Variants in MYO5C observed in about 807,000 individuals in gnomAD.
MYO5C encodes unconventional myosin-Vc.
MYO5C carries 194 observed loss-of-function variants against 235.7 expected under a neutral mutation model. The ratio of observed to expected loss-of-function variants is 0.82; its 90% CI spans 0.73 to 0.93. MYO5C has a LOEUF of 0.93. MYO5C is among the 40% of genes least tolerant of loss of function. The pLI is 0.00. For synonymous variants in MYO5C, 707 were observed against 754.8 expected (o/e 0.94, Z 1.04); for missense variants, 2,038 against 2,127.2 (o/e 0.96, Z 0.82).
chr15:52,204,167 C>T (rs2035248941), intron 38 of MYO5C, among the ~76,000 whole-genome samples: 1 of 152,130 alleles, frequency 6.6e-6, no homozygotes, highest in Middle Eastern at 3.2e-3. Context: ...AGGATGAACT[C>T]CAAATGCCTT....
intron 1 of MYO5C, among the ~76,000 whole-genome samples, chr15:52,288,015 C>G (rs758644984): frequency 8.6e-5 from 13 of 151,918 alleles, no homozygotes; most frequent in Non-Finnish European, 1.8e-4. Flanking sequence ...GCTGGCTAAG[C>G]GAAGCTGGTG....
intron 2 of MYO5C, among the ~76,000 whole-genome samples, chr15:52,281,857 C>CT (rs138725784): frequency 6.6e-6 from 1 of 152,340 alleles, no homozygotes; most frequent in East Asian, 1.9e-4. Context: ...CATTTACATG[C>CT]TTTGTCAATT....
chr15:52,221,927 T>G (rs2035697564), intron 29 of MYO5C, among the ~76,000 whole-genome samples: 1 of 152,194 alleles, frequency 6.6e-6, no homozygotes, highest in African/African-American at 2.4e-5. Context: ...GGTGTGAAAG[T>G]GATATGCATT....
At chr15:52,251,352 T>G (rs2036469110) in intron 13 of MYO5C, 38 bp downstream of exon 13, 1 of 1,560,014 alleles carries the variant, frequency 6.4e-7, no homozygotes, top group East Asian at 2.3e-5. Flanking sequence ...CTGTACAGGT[T>G]CCGGGGTTGA....
chr15:52,272,680 C>T lies in MYO5C; in HGVS notation c.650G>A (p.Arg217Gln), dbSNP rs1011831774. 1.2e-6 allele frequency: 2 copies of T among 1,614,024 alleles called. No homozygotes were observed. Among genetic ancestry groups the T allele is most frequent in the Non-Finnish European group, 1.7e-6 (2 of 1,179,942 alleles). The change falls in exon 6 of 41, where the codon CGG becomes CAG. Residue 217 changes from arginine to glutamine, a missense_variant. Arg to Gln is a conservative substitution (Grantham distance 43). Coordinates refer to ENST00000261839, the MANE Select transcript of MYO5C (RefSeq NM_018728.4). ...ACTGATTTCTGTGTATTTCCCAAAC[C>T]GACTACTATTGTCATTGCGGGTGGT... ...AKTTRNDNSS[R>Q]FGKYTEISFD...
intron 25 of MYO5C, among the ~76,000 whole-genome samples, chr15:52,226,051 GA>G (rs34456629): frequency 0.21 from 25,455 of 120,242 alleles, 4,121 homozygotes; most frequent in East Asian, 0.61. Flanking sequence ...ACTCCACCTC[GA>G]AAAAAAAAAA....
At chr15:52,195,118 A>G (rs1349309950) in intron 40 of MYO5C, among the ~76,000 whole-genome samples, 2 of 152,190 alleles carry the variant, frequency 1.3e-5, no homozygotes, top group African/African-American at 4.8e-5. Flanking sequence ...TTCAACGATC[A>G]GTAAGAAATA....
chr15:52,235,274 C>G (rs1189013026), intron 23 of MYO5C, among the ~76,000 whole-genome samples: 1 of 152,160 alleles, frequency 6.6e-6, no homozygotes, highest in Non-Finnish European at 1.5e-5. Context: ...GACTGTACAT[C>G]AGGATTACCG....
intron 7 of MYO5C, 104 bp from the exon 8 acceptor site, chr15:52,269,964 C>T: frequency 2.5e-6 from 2 of 799,248 alleles, no homozygotes; most frequent in East Asian, 2.5e-5. Context: ...GTGTCATGCA[C>T]TTTACACAGT....
intron 12 of MYO5C, among the ~76,000 whole-genome samples, chr15:52,252,590 A>G (rs1402112829): frequency 1.3e-5 from 2 of 152,080 alleles, no homozygotes; most frequent in African/African-American, 2.4e-5. Flanking sequence ...CCTGGCTAAC[A>G]TGGTGAAACC....
intron 35 of MYO5C, among the ~76,000 whole-genome samples, chr15:52,208,994 T>A (rs1455718706): frequency 1.3e-5 from 2 of 152,152 alleles, no homozygotes; most frequent in Non-Finnish European, 2.9e-5. Flanking sequence ...GGCTGTAGAC[T>A]GTGCTACCAA....
chr15:52,214,314 G>T (rs1193343167), intron 33 of MYO5C, among the ~76,000 whole-genome samples: 1 of 152,188 alleles, frequency 6.6e-6, no homozygotes. Flanking sequence ...TTGAAAAATT[G>T]TTCACAATTT....
intron 8 of MYO5C, among the ~76,000 whole-genome samples, chr15:52,265,619 G>C (rs1201333709): frequency 6.6e-6 from 1 of 151,550 alleles, no homozygotes; most frequent in Non-Finnish European, 1.5e-5. Context: ...GCTCACTGCA[G>C]CCTCGACCTC....
chr15:52,227,511 T>C (rs1269977266), intron 25 of MYO5C, among the ~76,000 whole-genome samples: 2 of 151,984 alleles, frequency 1.3e-5, no homozygotes, highest in Admixed American at 6.6e-5. Flanking sequence ...GTAATCTTAA[T>C]GGATCACATT....
chr15:52,225,619 C>A, intron 25 of MYO5C, 87 bp from the exon 26 acceptor site: 4 of 898,924 alleles, frequency 4.4e-6, no homozygotes, highest in Non-Finnish European at 7.3e-6. Context: ...TACAGCGTTG[C>A]GTGTCTATGC....
At chr15:52,209,531 G>A (rs1596141605) in intron 35 of MYO5C, among the ~76,000 whole-genome samples, 1 of 152,160 alleles carries the variant, frequency 6.6e-6, no homozygotes, top group East Asian at 1.9e-4. Context: ...CACATGCAAA[G>A]GCAGAGGGAG....
At chr15:52,234,554 C>G (rs2036035186) in intron 23 of MYO5C, among the ~76,000 whole-genome samples, 1 of 152,136 alleles carries the variant, frequency 6.6e-6, no homozygotes, top group Non-Finnish European at 1.5e-5. Flanking sequence ...ATGAGGAAAC[C>G]CTTTCCTAAC....
intron 19 of MYO5C, 24 bp downstream of exon 19, chr15:52,244,332 A>G (rs780473106): frequency 1.9e-6 from 3 of 1,606,192 alleles, no homozygotes; most frequent in Non-Finnish European, 2.6e-6. Context: ...ACAGTTCCAC[A>G]TGTGTTCCTT....
At chr15:52,265,304 G>T (rs1467109265) in intron 8 of MYO5C, 1 of 152,188 alleles carries the variant, frequency 6.6e-6, no homozygotes, top group Non-Finnish European at 1.5e-5. Flanking sequence ...CACACGCTGT[G>T]AGCCCGGTTT....
Sources: allele counts gnomAD v4.1 joint callset (sites outside exome capture counted in the v4.1 genomes callset), GRCh38; gene constraint gnomAD v4.1.1; transcripts MANE v1.5; gene names NCBI Gene and HGNC (gene_info 2026-07-23, HGNC 2026-07-21).